Variants in STPG2 observed in about 807,000 individuals in gnomAD.
The protein encoded by STPG2 is sperm-tail PG-rich repeat-containing protein 2.
STPG2 carries 56 observed loss-of-function variants against 54.2 expected under a neutral mutation model. The ratio of observed to expected loss-of-function variants is 1.03; its 90% CI spans 0.83 to 1.29. The LOEUF is 1.29. Among genes scored for constraint, STPG2 ranks in the 50% most tolerant of loss-of-function variants. The pLI is 0.00. For synonymous variants in STPG2, 200 were observed against 181.8 expected, an observed-to-expected ratio of 1.10 and a Z score of -0.81; for missense variants, 596 against 544.9, an observed-to-expected ratio of 1.09 and a Z score of -0.93.
chr4:98,007,408 G>A (rs1735608650), intron 5 of STPG2, among the ~76,000 whole-genome samples: 1 of 152,076 alleles, frequency 6.6e-6, no homozygotes, highest in South Asian at 2.1e-4. Context: ...CAGAAGCAAA[G>A]CCAAACACCC....
At chr4:97,488,210 C>G (rs532717539) in intron 4 of STPG2, among the ~76,000 whole-genome samples, 3 of 151,662 alleles carry the variant, frequency 2.0e-5, no homozygotes, top group East Asian at 3.9e-4. Flanking sequence ...AGAGAATATT[C>G]TTGAAAACTT....
At chr4:97,624,294 A>AGTATC (rs1734085486) in intron 10 of STPG2, among the ~76,000 whole-genome samples, 1 of 152,194 alleles carries the variant, frequency 6.6e-6, no homozygotes, top group African/African-American at 2.4e-5. Flanking sequence ...TAGCCTTGGC[A>AGTATC]GTATCTGTTG....
At chr4:97,460,964 T>C (rs1317858028) in intron 4 of STPG2, among the ~76,000 whole-genome samples, 2 of 152,218 alleles carry the variant, frequency 1.3e-5, no homozygotes, top group African/African-American at 4.8e-5. Context: ...TCAGTTCTCC[T>C]CTTCATTCCA....
chr4:98,010,318 G>A (rs1016954734), intron 5 of STPG2, among the ~76,000 whole-genome samples: 1 of 151,916 alleles, frequency 6.6e-6, no homozygotes, highest in Non-Finnish European at 1.5e-5. Context: ...TTCAAGAAAC[G>A]TTTTAATTGC....
intron 8 of STPG2, among the ~76,000 whole-genome samples, chr4:97,935,429 G>T (rs753266408): frequency 6.6e-6 from 1 of 151,914 alleles, no homozygotes; most frequent in Non-Finnish European, 1.5e-5. Flanking sequence ...CTAGCTTTTG[G>T]ATTTGTTTGC....
Position 98,119,116 on chromosome 4 carries a change from T to C in STPG2, c.387+9312A>G, listed in dbSNP as rs142050473. ...GTTTGATGAGAAATAGGTAAGAGTT[T>C]GATGAGGAATGAAATATCTATTTAG... On this transcript the variant is annotated intron_variant, in intron 3 of 10. Transcript: ENST00000295268. Among the ~76,000 whole-genome samples the C allele has an allele frequency of 8.3e-4, 127 of 152,242 alleles. 1 individual carries two copies. The highest frequency in any genetic ancestry group is 1.6e-3 in the Admixed American group (25 of 15,286).
rs1738064577 is a variant in STPG2 at position 98,073,380 on chromosome 4, C to T, written c.612+32573G>A. ...TGTATGTCTAATACTCAAAATATCA[C>T]AGCAGTGTTCATAACATTGATAATT... On this transcript the variant is annotated intron_variant, in intron 5 of 10. Transcript: ENST00000295268. Among the ~76,000 whole-genome samples the T allele has an allele frequency of 1.3e-5, 2 of 152,050 alleles. 1 individual carries two copies. The highest frequency in any genetic ancestry group is 2.9e-5 in the Non-Finnish European group (2 of 68,034).
At chr4:97,709,479 T>C (rs994723807) in intron 10 of STPG2, among the ~76,000 whole-genome samples, 1 of 130,442 alleles carries the variant, frequency 7.7e-6, no homozygotes, top group Non-Finnish European at 1.6e-5. Flanking sequence ...CCTGCAAAAA[T>C]TAAAAATTAT....
At chr4:97,989,731 A>C (rs551805649) in intron 5 of STPG2, among the ~76,000 whole-genome samples, 1 of 152,358 alleles carries the variant, frequency 6.6e-6, no homozygotes, top group South Asian at 2.1e-4. Flanking sequence ...AGTTAAAATA[A>C]GGGTTCTTTG....
chr4:97,799,851 G>A (rs1727324413), intron 9 of STPG2, among the ~76,000 whole-genome samples: 1 of 152,098 alleles, frequency 6.6e-6, no homozygotes, highest in South Asian at 2.1e-4. Context: ...TTTTCACATA[G>A]TCCCATATTT....
At chr4:97,690,215 C>T (rs976946046) in intron 10 of STPG2, among the ~76,000 whole-genome samples, 6 of 151,946 alleles carry the variant, frequency 3.9e-5, no homozygotes, top group African/African-American at 1.5e-4. Flanking sequence ...ATTTTTTTTA[C>T]ATTTTACTGA....
At chr4:97,783,660 G>A (rs1444046709) in intron 9 of STPG2, among the ~76,000 whole-genome samples, 1 of 152,128 alleles carries the variant, frequency 6.6e-6, no homozygotes, top group African/African-American at 2.4e-5. Context: ...CAATAGCAAA[G>A]ACTTGGAATC....
chr4:97,814,144 A>C (rs369197827), intron 9 of STPG2, among the ~76,000 whole-genome samples: 40 of 152,274 alleles, frequency 2.6e-4, no homozygotes, highest in Admixed American at 1.2e-3. Context: ...TTTATAACAA[A>C]TGTATTTTGT....
intron 9 of STPG2, among the ~76,000 whole-genome samples, chr4:97,781,641 T>G (rs1300732359): frequency 6.6e-6 from 1 of 152,092 alleles, no homozygotes; most frequent in Admixed American, 6.6e-5. Flanking sequence ...AAAGAGAATT[T>G]TAGACCAATA....
chr4:97,933,801 C>T (rs1231236266), intron 8 of STPG2, among the ~76,000 whole-genome samples: 1 of 152,130 alleles, frequency 6.6e-6, no homozygotes, highest in African/African-American at 2.4e-5. Context: ...CAGTGTGATG[C>T]CTCCAGCTTT....
chr4:97,910,219 A>C (rs897235095), intron 8 of STPG2, among the ~76,000 whole-genome samples: 1 of 152,236 alleles, frequency 6.6e-6, no homozygotes, highest in African/African-American at 2.4e-5. Context: ...ACTCTTGGGC[A>C]GAGCCATGTC....
chr4:97,981,061 C>CA, intron 6 of STPG2, 98 bp downstream of exon 6: 1 of 1,335,562 alleles, frequency 7.5e-7, no homozygotes. Flanking sequence ...AACCATAGGA[C>CA]AAAAAAGAAA....
rs375708372 is a variant in STPG2 at position 98,118,432 on chromosome 4, G to C, written c.388-9127C>G. Among the ~76,000 whole-genome samples the C allele has an allele frequency of 9.2e-5, 14 of 152,164 alleles. 1 individual carries two copies. Among genetic ancestry groups the C allele is most frequent in the African/African-American group, 3.4e-4 (14 of 41,532 alleles). ...TTAAGCAAATAGGTACATAATTCTGGATAATGGGAGCTAGGTTTCTTACTG... is the reference window on the plus strand; with the variant it reads ...TTAAGCAAATAGGTACATAATTCTGCATAATGGGAGCTAGGTTTCTTACTG... On this transcript the variant is annotated intron_variant, in intron 3 of 10. Transcript: ENST00000295268.
intron 4 of STPG2, among the ~76,000 whole-genome samples, chr4:97,550,647 C>T (rs1731944224): frequency 6.6e-6 from 1 of 152,162 alleles, no homozygotes; most frequent in African/African-American, 2.4e-5. Context: ...GTCTCGCTAA[C>T]TTCAAGAATG....
Sources: gnomAD v4.1 joint callset for allele counts (sites outside exome capture counted in the v4.1 genomes callset) on GRCh38, gnomAD v4.1.1 for gene constraint, MANE v1.5 for transcripts, NCBI Gene and HGNC (gene_info 2026-07-23, HGNC 2026-07-21) for gene names.